The following ASXL3 variants were observed in gnomAD, a reference collection of about 807,000 sequenced individuals.
The protein encoded by ASXL3 is ASXL transcriptional regulator 3, also known as putative Polycomb group protein ASXL3.
Under a neutral mutation model 170.6 loss-of-function variants are expected in ASXL3, and 34 were observed. That is an observed-to-expected ratio of 0.20 (90% CI 0.15 to 0.27). The LOEUF (loss-of-function observed/expected upper bound fraction) is 0.27. Ranked by LOEUF, ASXL3 falls within the 10% of genes least tolerant of loss-of-function variation. ASXL3 has a pLI of 1.00. For synonymous variants in ASXL3, 1,002 were observed against 989.1 expected, an observed-to-expected ratio of 1.01 and a Z score of -0.24; for missense variants, 2,592 against 2,695.3, an observed-to-expected ratio of 0.96 and a Z score of 0.85.
At chr18:33,719,418 G>A (rs541486230) in intron 8 of ASXL3, among the ~76,000 whole-genome samples, 28 of 152,106 alleles carry the variant, frequency 1.8e-4, no homozygotes, top group Non-Finnish European at 1.5e-4. Flanking sequence ...TTGATAAAAC[G>A]GGGACCATGC....
chr18:33,596,769 T>A (rs1357382469), intron 1 of ASXL3, among the ~76,000 whole-genome samples: 1 of 152,206 alleles, frequency 6.6e-6, no homozygotes, highest in African/African-American at 2.4e-5. Flanking sequence ...TATTCATATT[T>A]GTTTTGTTTT....
At chr18:33,617,057 A>T (rs1012560668) in intron 2 of ASXL3, among the ~76,000 whole-genome samples, 2 of 152,164 alleles carry the variant, frequency 1.3e-5, no homozygotes, top group Admixed American at 1.3e-4. Context: ...ATTTCTAGAA[A>T]TTTTTTGTAT....
chr18:33,721,007 CCTT>C lies in ASXL3; in HGVS notation c.880-10960_880-10958del, dbSNP rs1215652992. Reference sequence around the variant, plus strand: ...TTTCAATAATCAATATTAATATTCTCCTTGTTTCATTTGCTTTTAACATTGCAT... The same window carrying C: ...TTTCAATAATCAATATTAATATTCTCGTTTCATTTGCTTTTAACATTGCAT... On this transcript the variant is annotated intron_variant, in intron 8 of 11. Transcript: ENST00000269197. Among the ~76,000 whole-genome samples the C allele has an allele frequency of 7.0e-4, 107 of 152,182 alleles. 1 individual carries two copies. Among genetic ancestry groups the C allele is most frequent in the African/African-American group, 2.5e-3 (104 of 41,552 alleles).
intron 2 of ASXL3, among the ~76,000 whole-genome samples, chr18:33,642,879 C>T (rs1382626771): frequency 4.6e-5 from 7 of 151,794 alleles, no homozygotes; most frequent in Admixed American, 6.6e-5. Flanking sequence ...AGTACTTAGT[C>T]GTTGCCTTTA....
At position 33,735,058 on chromosome 18, in the gene ASXL3, G is replaced by C. The variant is rs2067521098; in HGVS notation, c.1082+643G>C. Among the ~76,000 whole-genome samples, 5 of 152,114 alleles carry C rather than the reference G, an allele frequency of 3.3e-5. No homozygotes were observed. In the South Asian group the frequency reaches 8.3e-4, roughly 25 times the overall value. ...GCAATATTAGTGTCTTAGACAATCA[G>C]ATCCCTAAAAAAGGAGGGGTTTAAG... On this transcript the variant is annotated intron_variant, in intron 10 of 11. Coordinates refer to ENST00000269197, the MANE Select transcript of ASXL3 (RefSeq NM_030632.3).
intron 8 of ASXL3, among the ~76,000 whole-genome samples, chr18:33,692,160 A>G (rs1332847567): frequency 6.6e-6 from 1 of 152,226 alleles, no homozygotes; most frequent in African/African-American, 2.4e-5. Context: ...GCTGGGATAT[A>G]ATGTGAGTAA....
At chr18:33,716,071 C>A (rs1247865135) in intron 8 of ASXL3, among the ~76,000 whole-genome samples, 1 of 152,164 alleles carries the variant, frequency 6.6e-6, no homozygotes, top group African/African-American at 2.4e-5. Context: ...TTCATAAAGG[C>A]CAATTCTTAT....
intron 2 of ASXL3, among the ~76,000 whole-genome samples, chr18:33,619,837 TGA>T (rs2065482215): frequency 6.6e-6 from 1 of 152,080 alleles, no homozygotes; most frequent in Non-Finnish European, 1.5e-5. Flanking sequence ...TGGAAATAGT[TGA>T]GATTGTCTAC....
At chr18:33,693,930 T>C (rs868426085) in intron 8 of ASXL3, among the ~76,000 whole-genome samples, 1 of 152,144 alleles carries the variant, frequency 6.6e-6, no homozygotes, top group African/African-American at 2.4e-5. Flanking sequence ...CTGGGCTGAT[T>C]GAGCGGACAG....
intron 2 of ASXL3, among the ~76,000 whole-genome samples, chr18:33,617,066 A>G (rs989106542): frequency 2.6e-5 from 4 of 152,170 alleles, no homozygotes; most frequent in African/African-American, 9.7e-5. Flanking sequence ...AATTTTTTGT[A>G]TCTGATTCAT....
Position 33,587,352 on chromosome 18 carries a change from ATTAG to A in ASXL3, c.54+8671_54+8674del, listed in dbSNP as rs549256533. Among the ~76,000 whole-genome samples, 11 of 152,152 alleles carry A rather than the reference ATTAG, an allele frequency of 7.2e-5. No individual in the cohort carries two copies. The South Asian group carries it at 1.0e-3, about 14-fold the overall frequency. ...ACACATCAAACTAGTTATTTTTGAC[ATTAG>A]TTAATTGATTACATTTATCAGCTTA... On this transcript the variant is annotated intron_variant, in intron 1 of 11. Coordinates refer to ENST00000269197, the MANE Select transcript of ASXL3 (RefSeq NM_030632.3).
chr18:33,682,847 G>A (rs187208062), intron 7 of ASXL3, among the ~76,000 whole-genome samples: 7 of 152,242 alleles, frequency 4.6e-5, no homozygotes, highest in Middle Eastern at 3.4e-3. Flanking sequence ...CCACTGTGCC[G>A]AACCTAAGGT....
rs2067801338 is a variant in ASXL3 at position 33,746,716 on chromosome 18, A to G, written c.*121A>G. 1 of 1,434,404 alleles carries G rather than the reference A, an allele frequency of 7.0e-7. No individual in the cohort carries two copies. 88.9% of individuals were successfully genotyped at this position (1,434,404 alleles called of 1,614,324 possible). On this transcript the variant is annotated 3_prime_UTR_variant, in exon 12 of 12. Transcript: ENST00000269197. The stretch of plus-strand genomic sequence containing the variant: ...TAATTTATTTTGCTTTGGAGCAGGT[A>G]CCTTTCCTCTATGGCATTATTTTCT...
intron 1 of ASXL3, among the ~76,000 whole-genome samples, chr18:33,604,796 A>G (rs1472916347): frequency 6.6e-6 from 1 of 151,976 alleles, no homozygotes; most frequent in Non-Finnish European, 1.5e-5. Context: ...CATTTTGAAA[A>G]GTTTTTATTG....
At chr18:33,642,507 G>T (rs1322038267) in intron 2 of ASXL3, among the ~76,000 whole-genome samples, 1 of 151,830 alleles carries the variant, frequency 6.6e-6, no homozygotes, top group Non-Finnish European at 1.5e-5. Flanking sequence ...GCATTTGACT[G>T]CAAATTATTT....
intron 1 of ASXL3, among the ~76,000 whole-genome samples, chr18:33,597,899 G>C (rs2065145086): frequency 6.6e-6 from 1 of 151,926 alleles, no homozygotes; most frequent in East Asian, 1.9e-4. Context: ...AAAATGCCTA[G>C]CCTATTTTGA....
chr18:33,670,594 C>A, intron 5 of ASXL3, 79 bp from the exon 6 acceptor site: 3 of 1,082,130 alleles, frequency 2.8e-6, no homozygotes, highest in South Asian at 1.7e-5. Context: ...TAATGATGGA[C>A]AAATGAGTCA....
chr18:33,586,984 C>T lies in ASXL3; in HGVS notation c.54+8299C>T, dbSNP rs906134924. ...TTCCGAGTATAGCTCACATTTAACT[C>T]CTCCTCTATTCATTCACTACATCTT... On this transcript the variant is annotated intron_variant, in intron 1 of 11. Transcript: ENST00000269197. Among the ~76,000 whole-genome samples, 11 of 152,212 alleles carry T rather than the reference C, an allele frequency of 7.2e-5. No individual in the cohort carries two copies. The Middle Eastern group carries it at 0.01, about 141-fold the overall frequency.
At chr18:33,608,704 GC>G (rs2145126029) in intron 2 of ASXL3, among the ~76,000 whole-genome samples, 1 of 152,092 alleles carries the variant, frequency 6.6e-6, no homozygotes, top group East Asian at 1.9e-4. Context: ...TACAGTAGTT[GC>G]AACTTGATGA....
Sources: gnomAD v4.1 joint callset for allele counts (sites outside exome capture counted in the v4.1 genomes callset) on GRCh38, gnomAD v4.1.1 for gene constraint, MANE v1.5 for transcripts, NCBI Gene and HGNC (gene_info 2026-07-23, HGNC 2026-07-21) for gene names.